The following MYBPC3 variants were observed in gnomAD, a reference collection of about 807,000 sequenced individuals.
The protein encoded by MYBPC3 is myosin binding protein C3.
MYBPC3 carries 108 observed loss-of-function variants against 159.3 expected under a neutral mutation model. The ratio of observed to expected loss-of-function variants is 0.68; its 90% CI spans 0.58 to 0.80. The LOEUF (loss-of-function observed/expected upper bound fraction) is 0.80. Among genes scored for constraint, MYBPC3 ranks in the 30% least tolerant of loss-of-function variants. The pLI is 0.00. For missense variants in MYBPC3, 1,631 were observed against 1,762.1 expected (o/e 0.93, Z 1.33); for synonymous variants, 730 against 702.0 (o/e 1.04, Z -0.63).
intron 5 of MYBPC3, among the ~76,000 whole-genome samples, chr11:47,349,366 G>C (rs2095897907): frequency 6.6e-6 from 1 of 152,156 alleles, no homozygotes; most frequent in Non-Finnish European, 1.5e-5. Flanking sequence ...GTTAATCCCT[G>C]AGAGTCCCTT....
Position 47,332,726 on chromosome 11 carries a change from CGA to C in MYBPC3, c.3491-26_3491-25del. On this transcript the variant is annotated intron_variant, in intron 31 of 34. Transcript: ENST00000545968. This position sits in a 1 kb window ranked among gnomAD's most constrained non-coding sequence, Gnocchi z 4.2. ...GCCTGTTGGTGACAGGACTTGGTAC[CGA>C]GAGGGCCACACAAAGCTAGGCCCCT... 6.3e-7 allele frequency: 1 copy of C among 1,594,672 alleles called. No individual in the cohort carries two copies. Among genetic ancestry groups the C allele is most frequent in the South Asian group, 1.1e-5 (1 of 88,868 alleles).
In MYBPC3 at chr11:47,341,983, A is replaced by T. The variant is rs1256714081; in HGVS notation, c.1790+8T>A. 3.2e-6 allele frequency: 5 copies of T among 1,555,124 alleles called. No individual in the cohort carries two copies. The Admixed American group carries it at 7.8e-5, about 24-fold the overall frequency. On this transcript the variant is annotated splice_region_variant and intron_variant, in intron 18 of 34. Transcript: ENST00000545968. ...CACCTGTCCCATCCACCTGCCCTGC[A>T]CACTCACCGCCCGATGTGGGACACC...
chr11:47,339,938 G>C (rs972416011), intron 20 of MYBPC3, 148 bp from the exon 21 acceptor site: 1 of 826,460 alleles, frequency 1.2e-6, no homozygotes, highest in Non-Finnish European at 1.8e-6. Context: ...TCTGACAGTA[G>C]GCTGAGTTCT....
Position 47,341,172 on chromosome 11 carries a change from G to A in MYBPC3, c.1863C>T (p.Phe621=), listed in dbSNP as rs193922378. 9.7e-5 allele frequency: 155 copies of A among 1,597,722 alleles called. No homozygotes were observed. The highest frequency in any genetic ancestry group is 9.0e-4 in the African/African-American group (67 of 74,542). Residue 621 remains phenylalanine (F), a synonymous_variant, in exon 19 of 35, where the codon TTC becomes TTT. Transcript: ENST00000545968. ...EADYSFVPEG[F]ACNLSAKLHF... ...GGAGCTTGGCTGACAGGTTGCAGGC[G>A]AAGCCCTCGGGCACAAAGCTGTAGT... is the stretch of plus-strand genomic sequence containing the variant.
At position 47,348,503 on chromosome 11, in the gene MYBPC3, A is replaced by G; in HGVS notation, c.693T>C (p.Pro231=). The change falls in exon 6 of 35, where the codon CCT becomes CCC. Residue 231 remains proline (P), a synonymous_variant. Coordinates refer to ENST00000545968, the MANE Select transcript of MYBPC3 (RefSeq NM_000256.3). ...LFELHITDAQ[P]AFTGSYRCEV... is the part of the protein sequence containing the mutation. ...CACAGCGGTAGCTGCCAGTGAAGGCAGGCTGGGCATCGGTGATGTGCAGCT... is the reference window on the plus strand; with the variant it reads ...CACAGCGGTAGCTGCCAGTGAAGGCGGGCTGGGCATCGGTGATGTGCAGCT... 1.2e-6 allele frequency: 2 copies of G among 1,613,580 alleles called. No homozygotes were observed. Among genetic ancestry groups the G allele is most frequent in the Non-Finnish European group, 1.7e-6 (2 of 1,179,718 alleles).
In MYBPC3 at chr11:47,338,811, A is replaced by G. The variant is rs927863165; in HGVS notation, c.2149-132T>C. The G allele has an allele frequency of 1.2e-5, 14 of 1,158,362 alleles. No homozygotes were observed. The African/African-American group carries it at 1.6e-4, about 13-fold the overall frequency. 71.8% of individuals were successfully genotyped at this position (1,158,362 alleles called of 1,614,324 possible). A position where few individuals can be genotyped will look rare whatever the true frequency, so the allele number is the denominator to read the frequency against. On this transcript the variant is annotated intron_variant, in intron 22 of 34. Transcript: ENST00000545968. This position sits in a 1 kb window ranked among gnomAD's most constrained non-coding sequence, Gnocchi z 4.7. ...GTGGGAAGACTGCATCCACGTCAGC[A>G]TCTAGTTCAAAATCATCTCTGTGGC...
intron 28 of MYBPC3, 65 bp downstream of exon 28, chr11:47,333,857 A>G: frequency 6.5e-7 from 1 of 1,550,052 alleles, no homozygotes; most frequent in Non-Finnish European, 8.7e-7. Context: ...ACATCAGTCC[A>G]CTGGATGGGA....
At chr11:47,335,250 AC>A in intron 26 of MYBPC3, 41 bp from the exon 27 acceptor site, 1 of 1,483,966 alleles carries the variant, frequency 6.7e-7, no homozygotes, top group South Asian at 1.3e-5. Context: ...AGGCTGTGTC[AC>A]CACTGACACC....
Position 47,338,681 on chromosome 11 carries a change from T to C in MYBPC3, c.2149-2A>G, listed in dbSNP as rs2142856729. 1 of 1,608,446 alleles carries C rather than the reference T, an allele frequency of 6.2e-7. No individual in the cohort carries two copies. Among genetic ancestry groups the C allele is most frequent in the South Asian group, 1.1e-5 (1 of 90,276 alleles). ...CCGGCCCTCGGTCTCACACAGCAGC[T>C]GGGGGGGTGCAGAGTTGGGGTGAGA... On this transcript the variant is annotated splice_acceptor_variant, in intron 22 of 34. Coordinates refer to ENST00000545968, the MANE Select transcript of MYBPC3 (RefSeq NM_000256.3). LOFTEE classifies it high-confidence loss of function. This position sits in a 1 kb window ranked among gnomAD's most constrained non-coding sequence, Gnocchi z 4.7.
At chr11:47,333,790 C>A in intron 28 of MYBPC3, 38 bp from the exon 29 acceptor site, 2 of 1,565,486 alleles carry the variant, frequency 1.3e-6, no homozygotes, top group South Asian at 2.4e-5. Flanking sequence ...ACCTGGATCA[C>A]TCCAAGGGCC....
chr11:47,331,817 T>A, intron 34 of MYBPC3, 28 bp downstream of exon 34: 1 of 1,587,188 alleles, frequency 6.3e-7, no homozygotes, highest in Non-Finnish European at 8.6e-7. Flanking sequence ...GCCACTGACT[T>A]GTGCCCTGGG....
chr11:47,351,119 C>A lies in MYBPC3; in HGVS notation c.292+120G>T. 2 of 1,296,056 alleles carry A rather than the reference C, an allele frequency of 1.5e-6. No individual in the cohort carries two copies. Among genetic ancestry groups the A allele is most frequent in the South Asian group, 3.4e-5 (2 of 58,532 alleles). The allele number at this position is 1,296,056 out of a possible 1,614,324, so 80.3% of individuals were successfully genotyped here. The stretch of plus-strand genomic sequence containing the variant: ...GAAAGGGCGTTCCTGGCGGGGGGCA[C>A]AGCCACAGCAAAGGCAAGAAAGTGT... On this transcript the variant is annotated intron_variant, in intron 2 of 34. Coordinates refer to ENST00000545968, the MANE Select transcript of MYBPC3 (RefSeq NM_000256.3). This position sits in a 1 kb window ranked among gnomAD's most constrained non-coding sequence, Gnocchi z 4.2.
intron 18 of MYBPC3, 34 bp downstream of exon 18, chr11:47,341,957 C>G: frequency 6.4e-7 from 1 of 1,551,770 alleles, no homozygotes; most frequent in Non-Finnish European, 8.7e-7. Context: ...ATCTCAGTCT[C>G]CACCTGTCCC....
In MYBPC3 at chr11:47,342,902, T is replaced by G. The variant is rs1283761026; in HGVS notation, c.1385A>C (p.Asp462Ala). 2 of 1,612,720 alleles carry G rather than the reference T, an allele frequency of 1.2e-6. No homozygotes were observed. Among genetic ancestry groups the G allele is most frequent in the Non-Finnish European group, 8.5e-7 (1 of 1,179,330 alleles). ...CCGCTGCCCCACCATCACCAGCTGGTCCTCCAAGGGGCGCGTGATGAGCAC... is the reference window on the plus strand; with the variant it reads ...CCGCTGCCCCACCATCACCAGCTGGGCCTCCAAGGGGCGCGTGATGAGCAC... ...PPVLITRPLE[D>A]QLVMVGQRVE... The change falls in exon 16 of 35, where the codon GAC (aspartate) becomes GCC (alanine). Residue 462 changes from aspartate (D) to alanine (A), a missense_variant. Coordinates refer to ENST00000545968, the MANE Select transcript of MYBPC3 (RefSeq NM_000256.3).
chr11:47,336,103 A>AG (rs1410135370), intron 25 of MYBPC3, 92 bp from the exon 26 acceptor site: 7 of 1,236,634 alleles, frequency 5.7e-6, no homozygotes, highest in South Asian at 2.7e-5. Context: ...CTGGTCACAT[A>AG]GGGGGCACTT....
At chr11:47,350,247 C>G (rs1034754517) in intron 3 of MYBPC3, 135 bp from the exon 4 acceptor site, 60 of 1,219,962 alleles carry the variant, frequency 4.9e-5, no homozygotes, top group Non-Finnish European at 6.3e-5. Context: ...CCTCAGCCTC[C>G]CAAGTTAGCT....
At chr11:47,343,691 G>A in intron 12 of MYBPC3, 67 bp from the exon 13 acceptor site, 2 of 1,474,652 alleles carry the variant, frequency 1.4e-6, no homozygotes, top group South Asian at 1.3e-5. Flanking sequence ...CCAAGCTACT[G>A]TGGCTGTGGC....
At position 47,333,721 on chromosome 11, in the gene MYBPC3, T is replaced by C; in HGVS notation, c.3026A>G (p.Lys1009Arg). The change falls in exon 29 of 35, where the codon AAA (lysine) becomes AGA (arginine). Residue 1009 changes from lysine (K) to arginine (R), a missense_variant. Physicochemically the swap from Lys to Arg is conservative, Grantham distance 26. Coordinates refer to ENST00000545968, the MANE Select transcript of MYBPC3 (RefSeq NM_000256.3). ...GKPRPQVTWT[K>R]EGQPLAGEEV... ...CTCGCCTGCCAGGGGCTGCCCCTCT[T>C]TGGTCCAGGTCACCTGAGGCCGGGG... 6.2e-7 allele frequency: 1 copy of C among 1,607,568 alleles called. No individual in the cohort carries two copies. The highest frequency in any genetic ancestry group is 8.5e-7 in the Non-Finnish European group (1 of 1,177,558).
In MYBPC3 at chr11:47,342,704, T is replaced by G. The variant is rs1555122190; in HGVS notation, c.1498A>C (p.Lys500Gln). The change falls in exon 17 of 35, where the codon AAA becomes CAA. Residue 500 changes from lysine to glutamine, a missense_variant. Transcript: ENST00000545968. The part of the protein sequence containing the change: ...GVELTREETF[K>Q]YRFKKDGQRH... ...TGCCCGTCCTTCTTGAACCGGTATT[T>G]GAAGGTCTCCTCCCGGGTCAGCTCC... 1 of 1,614,022 alleles carries G rather than the reference T, an allele frequency of 6.2e-7. No homozygotes were observed. Among genetic ancestry groups the G allele is most frequent in the Admixed American group, 1.7e-5 (1 of 60,024 alleles).
Sources: allele counts gnomAD v4.1 joint callset (sites outside exome capture counted in the v4.1 genomes callset), GRCh38; gene constraint gnomAD v4.1.1; non-coding constraint Gnocchi (gnomAD v3.1); transcripts MANE v1.5; gene names NCBI Gene and HGNC (gene_info 2026-07-23, HGNC 2026-07-21).